The following DRC8 variants were observed in gnomAD, a reference collection of about 807,000 sequenced individuals.
The protein encoded by DRC8 is dynein regulatory complex subunit 8.
the DRC8 span, among the ~76,000 whole-genome samples, chr1:244,998,460 C>T: frequency 3.3e-5 from 5 of 152,186 alleles, no homozygotes; most frequent in African/African-American, 1.2e-4. Flanking sequence ...ATCCTTCCAC[C>T]TTGGCCTCCT....
At chr1:245,105,634 AAAAAC>A in the DRC8 span, among the ~76,000 whole-genome samples, 142 of 151,070 alleles carry the variant, frequency 9.4e-4, no homozygotes, top group African/African-American at 3.3e-3. Flanking sequence ...AAAAAAAAAA[AAAAAC>A]AAAAAACAAA....
chr1:244,971,745 T>G, the DRC8 span, among the ~76,000 whole-genome samples: 2 of 152,128 alleles, frequency 1.3e-5, no homozygotes. Flanking sequence ...AGTCACTTGT[T>G]CCGGTGATCA....
chr1:245,055,994 C>G, the DRC8 span, among the ~76,000 whole-genome samples: 1 of 152,176 alleles, frequency 6.6e-6, no homozygotes, highest in African/African-American at 2.4e-5. Context: ...GCCTTGAACC[C>G]CTGGCCTCCA....
At chr1:245,049,176 A>G in the DRC8 span, among the ~76,000 whole-genome samples, 2 of 152,008 alleles carry the variant, frequency 1.3e-5, no homozygotes, top group Admixed American at 6.6e-5. The surrounding 1 kb of genome is among the most constrained non-coding windows in gnomAD (Gnocchi z 4.5). Flanking sequence ...GTAGAGACAA[A>G]GTTTTGCCAT....
At chr1:245,059,527 A>C in the DRC8 span, 3 of 1,376,040 alleles carry the variant, frequency 2.2e-6, no homozygotes, top group Non-Finnish European at 2.0e-6. Context: ...AATTAAAAAC[A>C]ATCCTTACCG....
the DRC8 span, among the ~76,000 whole-genome samples, chr1:244,978,843 A>C: frequency 6.6e-6 from 1 of 152,098 alleles, no homozygotes; most frequent in African/African-American, 2.4e-5. Flanking sequence ...AAAAACCTGG[A>C]CTAGAATTTG....
chr1:245,029,540 T>TG, the DRC8 span, among the ~76,000 whole-genome samples: 1 of 150,608 alleles, frequency 6.6e-6, no homozygotes, highest in Non-Finnish European at 1.5e-5. Context: ...TCAGGTCATC[T>TG]GCCCATCTCA....
At chr1:245,048,514 G>T in the DRC8 span, among the ~76,000 whole-genome samples, 1 of 147,962 alleles carries the variant, frequency 6.8e-6, no homozygotes, top group Non-Finnish European at 1.5e-5. Context: ...TGCTTATCTT[G>T]TTTTTTTTTT....
chr1:245,027,553 A>G, the DRC8 span, among the ~76,000 whole-genome samples: 3 of 152,212 alleles, frequency 2.0e-5, no homozygotes, highest in Admixed American at 2.0e-4. Context: ...AAAAACATTA[A>G]GAGACTGTAG....
At chr1:245,054,472 T>A in the DRC8 span, among the ~76,000 whole-genome samples, 1 of 152,184 alleles carries the variant, frequency 6.6e-6, no homozygotes, top group South Asian at 2.1e-4. Flanking sequence ...CTCCAGTGGC[T>A]GTTTCTCAGA....
chr1:245,075,286 C>T, the DRC8 span, among the ~76,000 whole-genome samples: 1 of 152,238 alleles, frequency 6.6e-6, no homozygotes, highest in Admixed American at 6.5e-5. Context: ...CTTAACCTCT[C>T]TGTGCCTGTA....
At chr1:244,990,972 C>G in the DRC8 span, among the ~76,000 whole-genome samples, 8 of 152,200 alleles carry the variant, frequency 5.3e-5, no homozygotes, top group South Asian at 1.7e-3. Flanking sequence ...CAATTTAATA[C>G]CAACTACCCA....
chr1:245,014,393 T>G, the DRC8 span, among the ~76,000 whole-genome samples: 1 of 152,204 alleles, frequency 6.6e-6, no homozygotes, highest in African/African-American at 2.4e-5. Flanking sequence ...TGGATCATTA[T>G]TCAGATTCAT....
the DRC8 span, among the ~76,000 whole-genome samples, chr1:245,041,253 G>C: frequency 6.6e-6 from 1 of 152,164 alleles, no homozygotes; most frequent in Non-Finnish European, 1.5e-5. Context: ...TCGCTAGAGA[G>C]TGGTGTAAGA....
At chr1:245,120,897 G>A in the DRC8 span, among the ~76,000 whole-genome samples, 2 of 152,246 alleles carry the variant, frequency 1.3e-5, no homozygotes, top group East Asian at 3.8e-4. Context: ...GGCCGCTAAA[G>A]CCTCAAACAA....
At chr1:245,024,882 C>T in the DRC8 span, among the ~76,000 whole-genome samples, 1 of 152,158 alleles carries the variant, frequency 6.6e-6, no homozygotes, top group African/African-American at 2.4e-5. Context: ...TTTCATATCT[C>T]TTAAAACTGT....
the DRC8 span, among the ~76,000 whole-genome samples, chr1:245,000,671 C>A: frequency 6.6e-6 from 1 of 151,946 alleles, no homozygotes; most frequent in East Asian, 1.9e-4. Flanking sequence ...GTCCCAGCTA[C>A]TCTGGAGGCT....
the DRC8 span, among the ~76,000 whole-genome samples, chr1:245,025,232 T>C: frequency 6.6e-6 from 1 of 152,214 alleles, no homozygotes; most frequent in Admixed American, 6.5e-5. Context: ...AATTTTTCCA[T>C]GTAGCTGATA....
At chr1:244,970,587 G>A in the DRC8 span, 1,356 of 1,020,590 alleles carry the variant, frequency 1.3e-3, 2 homozygotes, top group African/African-American at 4.7e-3. Flanking sequence ...GGGGCCACCC[G>A]GCAGCAGCAG....
Sources: gnomAD v4.1 joint callset for allele counts (sites outside exome capture counted in the v4.1 genomes callset) on GRCh38, gnomAD v4.1.1 for gene constraint, Gnocchi (gnomAD v3.1) non-coding constraint, MANE v1.5 for transcripts, NCBI Gene and HGNC (gene_info 2026-07-23, HGNC 2026-07-21) for gene names.